The following TNNI3K variants were observed in gnomAD, a reference collection of about 807,000 sequenced individuals.
TNNI3K encodes the protein serine/threonine-protein kinase TNNI3K.
In TNNI3K, 140 loss-of-function variants were observed where a neutral mutation model predicts 114.5. The ratio of observed to expected loss-of-function variants is 1.22; its 90% CI spans 1.07 to 1.41. The LOEUF (loss-of-function observed/expected upper bound fraction) is 1.41. Ranked by LOEUF, TNNI3K falls within the 40% of genes most tolerant of loss-of-function variation. The probability of loss-of-function intolerance (pLI) is 0.00; values close to 1 mark genes in which losing one functional copy is unlikely to be tolerated. For synonymous variants in TNNI3K, 347 were observed against 347.5 expected (o/e 1.00, Z 0.02); for missense variants, 1,125 against 1,007.6 (o/e 1.12, Z -1.58).
chr1:74,258,161 G>A (rs1655444189), intron 4 of TNNI3K, among the ~76,000 whole-genome samples: 1 of 152,068 alleles, frequency 6.6e-6, no homozygotes, highest in African/African-American at 2.4e-5. Flanking sequence ...TCACCTTTTA[G>A]CAATAAATCA....
At chr1:74,540,953 C>T (rs754744972) in intron 24 of TNNI3K, among the ~76,000 whole-genome samples, 4 of 152,116 alleles carry the variant, frequency 2.6e-5, no homozygotes, top group African/African-American at 7.2e-5. Flanking sequence ...AGAGGATGGA[C>T]AATTGCCTTT....
At position 74,367,257 on chromosome 1, in the gene TNNI3K, G is replaced by T. The variant is rs201190277; in HGVS notation, c.1179G>T (p.Gly393=). The T allele has an allele frequency of 4.3e-6, 7 of 1,611,594 alleles. No homozygotes were observed. Among genetic ancestry groups the T allele is most frequent in the Non-Finnish European group, 5.9e-6 (7 of 1,178,492 alleles). Residue 393 remains glycine, a splice_region_variant and synonymous_variant, in exon 12 of 25, where the codon GGG becomes GGT. Transcript: ENST00000326637. ...QTCLMWAYEK[G]HDAIVTLLKH... ...TGTTCTTTGTATCTTTTCATAAAGG[G>T]CATGATGCCATTGTCACACTCCTGA...
intron 24 of TNNI3K, among the ~76,000 whole-genome samples, chr1:74,543,704 T>C (rs1456057289): frequency 6.6e-6 from 1 of 152,178 alleles, no homozygotes; most frequent in East Asian, 1.9e-4. Flanking sequence ...AATTAGACAT[T>C]AGTCATTCAT....
chr1:74,273,229 C>T (rs141696032), intron 5 of TNNI3K, among the ~76,000 whole-genome samples: 232 of 151,992 alleles, frequency 1.5e-3, no homozygotes, highest in African/African-American at 5.4e-3. Context: ...GTTGACATTT[C>T]CACTCCTTTC....
intron 20 of TNNI3K, among the ~76,000 whole-genome samples, chr1:74,461,866 T>C (rs1182365081): frequency 6.6e-6 from 1 of 152,166 alleles, no homozygotes; most frequent in Admixed American, 6.5e-5. Context: ...CTTTGAAGTG[T>C]TTACACCCAA....
chr1:74,298,495 T>C (rs1201929081), intron 5 of TNNI3K, among the ~76,000 whole-genome samples: 2 of 152,162 alleles, frequency 1.3e-5, no homozygotes, highest in African/African-American at 4.8e-5. Context: ...ATATAAAAAT[T>C]ACACTGATCT....
At chr1:74,429,617 A>G (rs949934634) in intron 17 of TNNI3K, among the ~76,000 whole-genome samples, 17 of 152,158 alleles carry the variant, frequency 1.1e-4, no homozygotes, top group Admixed American at 1.0e-3. Context: ...TGGCAGGAAG[A>G]GAGTTCTGAG....
intron 7 of TNNI3K, among the ~76,000 whole-genome samples, chr1:74,336,562 C>T (rs907885116): frequency 6.7e-6 from 1 of 148,430 alleles, no homozygotes; most frequent in Non-Finnish European, 1.5e-5. Context: ...CATGTGATCT[C>T]ATTGTTCAAT....
intron 9 of TNNI3K, among the ~76,000 whole-genome samples, chr1:74,350,430 A>G (rs568421907): frequency 6.6e-6 from 1 of 152,180 alleles, no homozygotes; most frequent in Non-Finnish European, 1.5e-5. Flanking sequence ...GGTGCTGAAA[A>G]GAATGTATAT....
At chr1:74,280,389 AAAT>A (rs1215802602) in intron 5 of TNNI3K, among the ~76,000 whole-genome samples, 1 of 149,166 alleles carries the variant, frequency 6.7e-6, no homozygotes, top group African/African-American at 2.5e-5. Flanking sequence ...CTCAAAAAAA[AAAT>A]AAAATAAAAT....
intron 22 of TNNI3K, among the ~76,000 whole-genome samples, chr1:74,490,050 TAAAAAAAAAAAA>T (rs36063099): frequency 2.3e-5 from 1 of 42,892 alleles, no homozygotes; most frequent in African/African-American, 7.1e-5. Context: ...TTTTTTTTTC[TAAAAAAAAAAAA>T]AAAAAAAAAA....
intron 21 of TNNI3K, among the ~76,000 whole-genome samples, chr1:74,465,589 C>T (rs533947061): frequency 1.6e-3 from 248 of 152,302 alleles, no homozygotes; most frequent in African/African-American, 5.6e-3. Flanking sequence ...TGGGCACTGC[C>T]CCCTGCTTCA....
chr1:74,363,156 G>A (rs1662061011), intron 11 of TNNI3K, among the ~76,000 whole-genome samples: 2 of 152,038 alleles, frequency 1.3e-5, no homozygotes, highest in South Asian at 4.1e-4. Flanking sequence ...CGTCCATTTA[G>A]TGAGCTCCAT....
intron 17 of TNNI3K, chr1:74,416,357 A>G: frequency 1.0e-6 from 1 of 985,018 alleles, no homozygotes; most frequent in Non-Finnish European, 1.2e-6. Context: ...GATGGAGAGT[A>G]ACGAGCAGAG....
chr1:74,480,799 C>A, intron 21 of TNNI3K: 1 of 717,576 alleles, frequency 1.4e-6, no homozygotes, highest in Non-Finnish European at 2.6e-6. Flanking sequence ...GCTCCAGCAA[C>A]AAGGTCCGCA....
In TNNI3K at chr1:74,492,118, A is replaced by G. The variant is rs765401592; in HGVS notation, c.2203A>G (p.Asn735Asp). The change falls in exon 23 of 25, where the codon AAC becomes GAC. Residue 735 changes from asparagine to aspartate, a missense_variant. Coordinates refer to ENST00000326637, the MANE Select transcript of TNNI3K (RefSeq NM_015978.3). ...NIELMSPASS[N>D]SSGSLSPSSS... ...TCAGCTGATGTCTCCTGCATCAAGT[A>G]ACAGCAGTGGGTCTCTCTCACCTTC... 5 of 1,609,258 alleles carry G rather than the reference A, an allele frequency of 3.1e-6. No individual in the cohort carries two copies. Among genetic ancestry groups the G allele is most frequent in the Non-Finnish European group, 4.2e-6 (5 of 1,176,526 alleles).
At chr1:74,349,144 A>G (rs948712453) in intron 9 of TNNI3K, among the ~76,000 whole-genome samples, 12 of 152,178 alleles carry the variant, frequency 7.9e-5, no homozygotes, top group African/African-American at 2.9e-4. Flanking sequence ...TGTCATGCAT[A>G]GCTCTTATTA....
At chr1:74,333,851 A>G (rs575653880) in intron 6 of TNNI3K, among the ~76,000 whole-genome samples, 1 of 152,338 alleles carries the variant, frequency 6.6e-6, no homozygotes, top group South Asian at 2.1e-4. Context: ...AAATCAGTCT[A>G]TTATAAAGTC....
chr1:74,383,648 A>G (rs1663319561), intron 17 of TNNI3K, among the ~76,000 whole-genome samples: 2 of 152,098 alleles, frequency 1.3e-5, no homozygotes, highest in African/African-American at 4.8e-5. Context: ...TTGGTACAGG[A>G]GCTGTGGATT....
Sources: allele counts gnomAD v4.1 joint callset (sites outside exome capture counted in the v4.1 genomes callset), GRCh38; gene constraint gnomAD v4.1.1; transcripts MANE v1.5; gene names NCBI Gene and HGNC (gene_info 2026-07-23, HGNC 2026-07-21).